AP5S1: variants seen among roughly 807,000 people sequenced by gnomAD.
AP5S1 encodes AP-5 complex subunit sigma-1.
In AP5S1, 13 loss-of-function variants were observed where a neutral mutation model predicts 13.9. The observed-to-expected ratio is 0.94, with a 90% CI of 0.61 to 1.49. The LOEUF is 1.49. Ranked by LOEUF, AP5S1 falls within the 40% of genes most tolerant of loss-of-function variation. AP5S1 has a pLI of 0.00. For synonymous variants in AP5S1, 132 were observed against 121.8 expected (o/e 1.08, Z -0.55); for missense variants, 292 against 272.3 (o/e 1.07, Z -0.51).
chr20:3,821,164 C>T (rs1244297913), intron 1 of AP5S1, among the ~76,000 whole-genome samples: 4 of 152,082 alleles, frequency 2.6e-5, no homozygotes, highest in African/African-American at 9.7e-5. Flanking sequence ...TTCCCTGGAC[C>T]AAGTGAGTTA....
At chr20:3,822,424 C>A in intron 2 of AP5S1, 131 bp downstream of exon 2, 1 of 789,208 alleles carries the variant, frequency 1.3e-6, no homozygotes, top group Non-Finnish European at 2.0e-6. Context: ...TAGCATTTCC[C>A]AGAGAGTCTT....
At chr20:3,821,192 C>T (rs1013469619) in intron 1 of AP5S1, among the ~76,000 whole-genome samples, 3 of 152,078 alleles carry the variant, frequency 2.0e-5, no homozygotes, top group African/African-American at 7.2e-5. Flanking sequence ...ATATGAAATC[C>T]TGTTTCCTCT....
chr20:3,821,203 A>G (rs553371356), intron 1 of AP5S1, among the ~76,000 whole-genome samples: 5 of 152,090 alleles, frequency 3.3e-5, no homozygotes, highest in East Asian at 1.9e-4. Flanking sequence ...TGTTTCCTCT[A>G]TATTTAGAGG....
chr20:3,821,614 A>G (rs1313283305), intron 1 of AP5S1, among the ~76,000 whole-genome samples: 2 of 152,042 alleles, frequency 1.3e-5, no homozygotes, highest in Non-Finnish European at 2.9e-5. Context: ...TGATCCGCCC[A>G]CCTAGACCTC....
intron 1 of AP5S1, 42 bp downstream of exon 1, chr20:3,820,800 G>C (rs1027699491): frequency 6.6e-6 from 1 of 152,346 alleles, no homozygotes; most frequent in Non-Finnish European, 1.5e-5. Context: ...GTAGAGGCGG[G>C]ACGCGGCGGC....
At position 3,822,228 on chromosome 20, in the gene AP5S1, C is replaced by T. The variant is rs760107239; in HGVS notation, c.111C>T (p.Asp37=). 1 of 1,614,042 alleles carries T rather than the reference C, an allele frequency of 6.2e-7. No homozygotes were observed. The highest frequency in any genetic ancestry group is 1.7e-5 in the Admixed American group (1 of 60,000). The part of the protein sequence containing the change: ...CVFGAEKSPD[D]PRPHGAERDR... ...TCGGTGCTGAGAAGTCACCTGATGA[C>T]CCACGGCCGCATGGTGCCGAGAGGG... Residue 37 remains aspartate, a synonymous_variant, in exon 2 of 3, where the codon GAC becomes GAT. Coordinates refer to ENST00000615891, the MANE Select transcript of AP5S1 (RefSeq NM_018347.3).
At position 3,820,562 on chromosome 20, in the gene AP5S1, C is replaced by G. The variant is rs369043708; in HGVS notation, c.-213C>G. The G allele has an allele frequency of 6.6e-6, 1 of 152,170 alleles. No individual in the cohort carries two copies. Among genetic ancestry groups the G allele is most frequent in the Non-Finnish European group, 1.5e-5 (1 of 68,008 alleles). The allele number at this position is 152,170 out of a possible 1,614,324, so 9.4% of individuals were successfully genotyped here. A position where few individuals can be genotyped will look rare whatever the true frequency, so the allele number is the denominator to read the frequency against. ...CACGGGCCGCGCAGCCGCCATTGCT[C>G]TCCTGCCACGGAGGGGAGCGCTTGG... On this transcript the variant is annotated 5_prime_UTR_variant, in exon 1 of 3. Coordinates refer to ENST00000615891, the MANE Select transcript of AP5S1 (RefSeq NM_018347.3).
rs1207589441 is a variant in AP5S1 at position 3,822,236 on chromosome 20, C to G, written c.119C>G (p.Pro40Arg). ...GAGAAGTCACCTGATGACCCACGGC[C>G]GCATGGTGCCGAGAGGGACAGGCTT... ...GAEKSPDDPRPHGAERDRLLR... is the reference protein window; with the variant it reads ...GAEKSPDDPRRHGAERDRLLR... The change falls in exon 2 of 3, where the codon CCG becomes CGG. Residue 40 changes from proline to arginine, a missense_variant. Physicochemically the swap from Pro to Arg is moderately radical, Grantham distance 103. Coordinates refer to ENST00000615891, the MANE Select transcript of AP5S1 (RefSeq NM_018347.3). 1 of 1,614,164 alleles carries G rather than the reference C, an allele frequency of 6.2e-7. No homozygotes were observed. The highest frequency in any genetic ancestry group is 8.5e-7 in the Non-Finnish European group (1 of 1,180,028).
At position 3,824,309 on chromosome 20, in the gene AP5S1, G is replaced by A. The variant is rs751168537; in HGVS notation, c.*12G>A. 11 of 1,605,114 alleles carry A rather than the reference G, an allele frequency of 6.9e-6. No homozygotes were observed. The East Asian group carries it at 2.0e-4, about 29-fold the overall frequency. Reference sequence around the variant, plus strand: ...CTTGGCCCCGCTGATTCCTCGTTGGGATGGTGCTTCTGAGGGCAGGCAGAG... The same window carrying A: ...CTTGGCCCCGCTGATTCCTCGTTGGAATGGTGCTTCTGAGGGCAGGCAGAG... On this transcript the variant is annotated 3_prime_UTR_variant, in exon 3 of 3. Coordinates refer to ENST00000615891, the MANE Select transcript of AP5S1 (RefSeq NM_018347.3).
Position 3,823,442 on chromosome 20 carries a change from G to A in AP5S1, c.177-429G>A, listed in dbSNP as rs902152402. The A allele has an allele frequency of 2.5e-5, 16 of 646,454 alleles. No individual in the cohort carries two copies. The Admixed American group carries it at 2.5e-4, about 10-fold the overall frequency. The allele number at this position is 646,454 out of a possible 1,614,324, so 40.0% of individuals were successfully genotyped here. On this transcript the variant is annotated intron_variant, in intron 2 of 2. Coordinates refer to ENST00000615891, the MANE Select transcript of AP5S1 (RefSeq NM_018347.3). Reference sequence around the variant, plus strand: ...TTTTTTAAATATTTTTAGTAGAGACGGGGTTTCACTATGTTAGCCAGGATG... The same window carrying A: ...TTTTTTAAATATTTTTAGTAGAGACAGGGTTTCACTATGTTAGCCAGGATG...
chr20:3,824,646 G>C lies in AP5S1; in HGVS notation c.*349G>C. Reference sequence around the variant, plus strand: ...ACCCCGCTCTTCTTCCAAACCCACAGTCAAGGCCAGGCGCGGTGGCTCACG... The same window carrying C: ...ACCCCGCTCTTCTTCCAAACCCACACTCAAGGCCAGGCGCGGTGGCTCACG... On this transcript the variant is annotated 3_prime_UTR_variant, in exon 3 of 3. Transcript: ENST00000615891. 3.5e-6 allele frequency: 1 copy of C among 284,706 alleles called. No homozygotes were observed. Among genetic ancestry groups the C allele is most frequent in the East Asian group, 8.4e-5 (1 of 11,948 alleles). 17.6% of individuals were successfully genotyped at this position (284,706 alleles called of 1,614,324 possible).
In AP5S1 at chr20:3,821,250, T is replaced by C. The variant is rs370590664; in HGVS notation, c.-17+492T>C. 6.9e-4 allele frequency among the ~76,000 whole-genome samples: 105 copies of C among 152,334 alleles called. 2 individuals are homozygous for C. In the East Asian group the frequency reaches 0.019, roughly 28 times the overall value. On this transcript the variant is annotated intron_variant, in intron 1 of 2. Transcript: ENST00000615891. ...TTATTTTCTAAAAACAAGGACGAGCTCCTGCATTCAAAATCGGGTAACATT... is the reference window on the plus strand; with the variant it reads ...TTATTTTCTAAAAACAAGGACGAGCCCCTGCATTCAAAATCGGGTAACATT...
intron 1 of AP5S1, 106 bp from the exon 2 acceptor site, chr20:3,821,996 G>A (rs1237303381): frequency 7.0e-7 from 1 of 1,435,638 alleles, no homozygotes; most frequent in Non-Finnish European, 9.2e-7. Flanking sequence ...CAGCCTCACT[G>A]GCCTCTGGAT....
rs1324983828 is a variant in AP5S1 at position 3,825,454 on chromosome 20, C to G, written c.*1157C>G. 6.6e-6 allele frequency: 1 copy of G among 152,276 alleles called. No individual in the cohort carries two copies. Among genetic ancestry groups the G allele is most frequent in the Non-Finnish European group, 1.5e-5 (1 of 68,078 alleles). 9.4% of individuals were successfully genotyped at this position (152,276 alleles called of 1,614,324 possible). A position where few individuals can be genotyped will look rare whatever the true frequency, so the allele number is the denominator to read the frequency against. ...TCCATCTCTCATCCCCACCTCACCT[C>G]TGTCTCCTTAGAGGCCTCCTTTGGA... On this transcript the variant is annotated 3_prime_UTR_variant, in exon 3 of 3. Coordinates refer to ENST00000615891, the MANE Select transcript of AP5S1 (RefSeq NM_018347.3).
At chr20:3,820,987 C>T (rs1185601127) in intron 1 of AP5S1, 5 of 152,320 alleles carry the variant, frequency 3.3e-5, no homozygotes, top group Non-Finnish European at 7.3e-5. Context: ...CCTTTCAACC[C>T]CCGGGCCGGC....
chr20:3,824,764 C>A lies in AP5S1; in HGVS notation c.*467C>A. 6.3e-6 allele frequency: 1 copy of A among 158,112 alleles called. No individual in the cohort carries two copies. Among genetic ancestry groups the A allele is most frequent in the South Asian group, 1.9e-4 (1 of 5,346 alleles). The allele number at this position is 158,112 out of a possible 1,614,324, so 9.8% of individuals were successfully genotyped here. A position where few individuals can be genotyped will look rare whatever the true frequency, so the allele number is the denominator to read the frequency against. The stretch of plus-strand genomic sequence containing the variant: ...CCTGGCCAACATAGTGAAACCCCAT[C>A]TCTACTAAAAATACAAAAATTAGCT... On this transcript the variant is annotated 3_prime_UTR_variant, in exon 3 of 3. Transcript: ENST00000615891.
chr20:3,821,620 A>G (rs1385160586), intron 1 of AP5S1, among the ~76,000 whole-genome samples: 2 of 151,546 alleles, frequency 1.3e-5, no homozygotes, highest in Non-Finnish European at 2.9e-5. Context: ...GCCCACCTAG[A>G]CCTCCCAAGG....
chr20:3,821,995 T>C (rs571120715), intron 1 of AP5S1, 107 bp from the exon 2 acceptor site: 28 of 1,436,070 alleles, frequency 1.9e-5, no homozygotes, highest in Non-Finnish European at 2.5e-5. Flanking sequence ...TCAGCCTCAC[T>C]GGCCTCTGGA....
rs761671910 is a variant in AP5S1, at chr20:3,823,943, C to A, written c.249C>A (p.Ser83=). ...GRPPMDLQPQ[S]SDEQVPLHEA... is the part of the protein sequence containing the mutation. Reference sequence around the variant, plus strand: ...CCCCCATGGACCTGCAGCCGCAATCCTCAGATGAGCAAGTGCCGCTGCACG... The same window carrying A: ...CCCCCATGGACCTGCAGCCGCAATCATCAGATGAGCAAGTGCCGCTGCACG... Residue 83 remains serine (S), a synonymous_variant, in exon 3 of 3, where the codon TCC becomes TCA. Coordinates refer to ENST00000615891, the MANE Select transcript of AP5S1 (RefSeq NM_018347.3). The A allele has an allele frequency of 6.2e-7, 1 of 1,607,856 alleles. No homozygotes were observed. The highest frequency in any genetic ancestry group is 1.1e-5 in the South Asian group (1 of 91,086).
Sources: gnomAD v4.1 joint callset for allele counts (sites outside exome capture counted in the v4.1 genomes callset) on GRCh38, gnomAD v4.1.1 for gene constraint, MANE v1.5 for transcripts, NCBI Gene and HGNC (gene_info 2026-07-23, HGNC 2026-07-21) for gene names.